Variants in SEMA4D observed in about 807,000 individuals in gnomAD.
SEMA4D encodes the protein semaphorin-4D.
In SEMA4D, 22 loss-of-function variants were observed where a neutral mutation model predicts 74.8. The ratio of observed to expected loss-of-function variants is 0.29; its 90% confidence interval spans 0.21 to 0.42. The LOEUF is 0.42. Among genes scored for constraint, SEMA4D ranks in the 10% least tolerant of loss-of-function variants. SEMA4D has a pLI of 1.00. For missense variants in SEMA4D, 937 were observed against 1,118.4 expected, an observed-to-expected ratio of 0.84 and a Z score of 2.31; for synonymous variants, 445 against 463.7, an observed-to-expected ratio of 0.96 and a Z score of 0.52.
chr9:89,389,073 T>C (rs1839220395), intron 9 of SEMA4D, 26 bp from the exon 10 acceptor site: 2 of 1,613,388 alleles, frequency 1.2e-6, no homozygotes, highest in Non-Finnish European at 1.7e-6. Flanking sequence ...GAAGACGTGG[T>C]GGGCCGAGAG....
At chr9:89,372,094 TGGGGG>T (rs1311692424) in intron 16 of SEMA4D, among the ~76,000 whole-genome samples, 1 of 37,864 alleles carries the variant, frequency 2.6e-5, no homozygotes, top group Non-Finnish European at 4.6e-5. Flanking sequence ...GGTGTGTGTG[TGGGGG>T]GTGTGATGGG....
exon 19 of SEMA4D, chr9:89,362,102 C>T: frequency 3.6e-6 from 2 of 556,636 alleles, no homozygotes; most frequent in South Asian, 4.5e-5. Context: ...AGTTCACGAG[C>T]AGCTATCAAA....
rs574386472 is a variant in SEMA4D, at chr9:89,419,741, C to T, written c.-243-14042G>A. The stretch of plus-strand genomic sequence containing the variant: ...CAGCTTGACCAACAAGGCAAAACCC[C>T]GTCTCTATCAAAAAAAAATACAAAA... On this transcript the variant is annotated intron_variant, in intron 2 of 15. Transcript: ENST00000422704. Among the ~76,000 whole-genome samples, 10 of 148,640 alleles carry T rather than the reference C, an allele frequency of 6.7e-5. No homozygotes were observed. In the South Asian group the frequency reaches 1.5e-3, roughly 23 times the overall value.
rs368013568 is a variant in SEMA4D at position 89,387,489 on chromosome 9, G to C, written c.1227C>G (p.Asn409Lys). The change falls in exon 12 of 16, where the codon AAC becomes AAG. Residue 409 changes from asparagine to lysine, a missense_variant. Asn to Lys is a moderately conservative substitution (Grantham distance 94). Coordinates refer to ENST00000422704, the MANE Select transcript of SEMA4D (RefSeq NM_001371194.2). ...LMDDSVTPID[N>K]RPRLIKKDVN... ...CATCTTTCTTGATTAACCTGGGCCT[G>C]TTGTCTATTGGGGTTACCGAGTCAT... 2.0e-5 allele frequency: 32 copies of C among 1,614,132 alleles called. No individual in the cohort carries two copies. In the African/African-American group the frequency reaches 4.1e-4, roughly 21 times the overall value.
intron 16 of SEMA4D, among the ~76,000 whole-genome samples, chr9:89,371,316 G>T (rs1834679566): frequency 7.0e-6 from 1 of 142,054 alleles, no homozygotes; most frequent in Admixed American, 7.0e-5. Context: ...GGTGTGGTGT[G>T]TGTGGGGTTG....
rs1284925503 is a variant in SEMA4D, at chr9:89,381,353, G to C, written c.1447-7C>G. The C allele has an allele frequency of 4.1e-6, 6 of 1,463,178 alleles. No individual in the cohort carries two copies. The African/African-American group carries it at 8.5e-5, about 21-fold the overall frequency. 90.6% of individuals were successfully genotyped at this position (1,463,178 alleles called of 1,614,324 possible). A position where few individuals can be genotyped will look rare whatever the true frequency, so the allele number is the denominator to read the frequency against. ...CATAGACAAACCTGTTGCCCTGCGT[G>C]TATGAGACAGAGAAGAACTAGCATC... On this transcript the variant is annotated splice_polypyrimidine_tract_variant and splice_region_variant and intron_variant, in intron 13 of 15. Transcript: ENST00000422704. This position sits in a 1 kb window ranked among gnomAD's most constrained non-coding sequence, Gnocchi z 4.6.
intron 2 of SEMA4D, among the ~76,000 whole-genome samples, chr9:89,408,085 T>G (rs574652093): frequency 1.3e-4 from 20 of 152,400 alleles, no homozygotes; most frequent in Non-Finnish European, 2.4e-4. Context: ...CTTGCCATAA[T>G]GGTGTCACTT....
chr9:89,389,221 C>T (rs1839263613), intron 9 of SEMA4D, among the ~76,000 whole-genome samples, 174 bp from the exon 10 acceptor site: 2 of 152,206 alleles, frequency 1.3e-5, no homozygotes, highest in South Asian at 2.1e-4. Flanking sequence ...CGCAGCACCA[C>T]GTCCAGGTTC....
intron 18 of SEMA4D, chr9:89,363,338 C>A (rs1833041827): frequency 1.3e-6 from 2 of 1,557,682 alleles, no homozygotes; most frequent in Admixed American, 1.8e-5. Flanking sequence ...GGGGTCCATG[C>A]TGAATGGGGC....
rs1835943081 is a variant in SEMA4D at position 89,377,271 on chromosome 9, C to T, written c.*1433G>A. ...AGCTTCTCATTTATTTGGGTACTTT[C>T]CAAATGTATACAATTCAAAGTAGAA... is the stretch of plus-strand genomic sequence containing the variant. On this transcript the variant is annotated 3_prime_UTR_variant, in exon 16 of 16. Transcript: ENST00000422704. The T allele has an allele frequency of 5.0e-6, 3 of 594,062 alleles. No homozygotes were observed. The highest frequency in any genetic ancestry group is 8.0e-6 in the Non-Finnish European group (3 of 375,178). 36.8% of individuals were successfully genotyped at this position (594,062 alleles called of 1,614,324 possible). A position where few individuals can be genotyped will look rare whatever the true frequency, so the allele number is the denominator to read the frequency against.
intron 1 of SEMA4D, among the ~76,000 whole-genome samples, chr9:89,485,023 A>G (rs951019934): frequency 2.0e-5 from 3 of 151,708 alleles, no homozygotes; most frequent in African/African-American, 7.3e-5. Flanking sequence ...CCAGAGCTAC[A>G]TTTTTCAACC....
chr9:89,488,380 T>TTTTTA (rs869113565), intron 1 of SEMA4D, among the ~76,000 whole-genome samples: 1 of 143,724 alleles, frequency 7.0e-6, no homozygotes. Flanking sequence ...TTTTTTTTTT[T>TTTTTA]GAGAACAGAG....
intron 2 of SEMA4D, among the ~76,000 whole-genome samples, chr9:89,444,110 T>C (rs1852278421): frequency 6.6e-6 from 1 of 152,198 alleles, no homozygotes; most frequent in South Asian, 2.1e-4. Context: ...TGCTTTACAT[T>C]TATTGTCCTA....
chr9:89,401,068 T>G (rs1228990867), intron 4 of SEMA4D, among the ~76,000 whole-genome samples: 15 of 152,170 alleles, frequency 9.9e-5, no homozygotes, highest in Admixed American at 9.8e-4. Flanking sequence ...TGTTTTTGTT[T>G]TTTTGAGACA....
intron 2 of SEMA4D, among the ~76,000 whole-genome samples, chr9:89,411,093 CG>C (rs1354148358): frequency 1.3e-5 from 2 of 152,090 alleles, no homozygotes; most frequent in African/African-American, 4.8e-5. Flanking sequence ...GCAGAGAGAG[CG>C]GGGAGCTGGG....
chr9:89,479,026 C>A (rs1862496549), intron 1 of SEMA4D, among the ~76,000 whole-genome samples: 1 of 152,210 alleles, frequency 6.6e-6, no homozygotes, highest in Non-Finnish European at 1.5e-5. Context: ...AAGGCCTGTC[C>A]CCTCACTTAT....
intron 13 of SEMA4D, among the ~76,000 whole-genome samples, chr9:89,382,227 C>T (rs369839303): frequency 4.2e-4 from 64 of 152,328 alleles, no homozygotes; most frequent in African/African-American, 1.4e-3. Context: ...ACCTGAAGCT[C>T]GGGGGCGTGC....
chr9:89,488,782 C>T (rs1350109566), intron 1 of SEMA4D, among the ~76,000 whole-genome samples: 1 of 152,136 alleles, frequency 6.6e-6, no homozygotes, highest in Non-Finnish European at 1.5e-5. Context: ...AAATAGGGTA[C>T]AAAAAGCACA....
At chr9:89,449,662 TG>T in intron 2 of SEMA4D, 1 of 1,496,724 alleles carries the variant, frequency 6.7e-7, no homozygotes, top group Non-Finnish European at 9.3e-7. Context: ...CTTCGGTCCT[TG>T]GTGGACGCAT....
Sources: gnomAD v4.1 joint callset for allele counts (sites outside exome capture counted in the v4.1 genomes callset) on GRCh38, gnomAD v4.1.1 for gene constraint, Gnocchi (gnomAD v3.1) non-coding constraint, MANE v1.5 for transcripts, NCBI Gene and HGNC (gene_info 2026-07-23, HGNC 2026-07-21) for gene names.